Variants in ATP6V0A4 observed in about 807,000 individuals in gnomAD.
ATP6V0A4 encodes V-type proton ATPase 116 kDa subunit a 4.
In ATP6V0A4, 86 loss-of-function variants were observed where a neutral mutation model predicts 107.3. The ratio of observed to expected loss-of-function variants is 0.80; its 90% CI spans 0.67 to 0.96. The LOEUF (loss-of-function observed/expected upper bound fraction) is 0.96. Among genes scored for constraint, ATP6V0A4 ranks in the 40% least tolerant of loss-of-function variants. ATP6V0A4 has a pLI of 0.00. For missense variants in ATP6V0A4, 908 were observed against 1,045.6 expected, an observed-to-expected ratio of 0.87 and a Z score of 1.81; for synonymous variants, 353 against 381.4, an observed-to-expected ratio of 0.93 and a Z score of 0.87.
At chr7:138,713,834 C>T (rs1224984657) in intron 20 of ATP6V0A4, among the ~76,000 whole-genome samples, 2 of 151,902 alleles carry the variant, frequency 1.3e-5, no homozygotes, top group Non-Finnish European at 2.9e-5. Flanking sequence ...GGCACAATGG[C>T]TCACACCTGT....
intron 21 of ATP6V0A4, among the ~76,000 whole-genome samples, chr7:138,708,372 G>A (rs1272659340): frequency 2.0e-5 from 3 of 152,124 alleles, no homozygotes; most frequent in Non-Finnish European, 4.4e-5. Flanking sequence ...AATTTACAGA[G>A]TTCAGTTCCT....
At chr7:138,744,254 T>G (rs1377270233) in intron 14 of ATP6V0A4, among the ~76,000 whole-genome samples, 2 of 151,502 alleles carry the variant, frequency 1.3e-5, no homozygotes, top group Non-Finnish European at 2.9e-5. Flanking sequence ...TTTTTTTTTT[T>G]TCAGTTGGAG....
chr7:138,743,859 C>T (rs1290310141), intron 14 of ATP6V0A4, among the ~76,000 whole-genome samples: 1 of 152,118 alleles, frequency 6.6e-6, no homozygotes, highest in Non-Finnish European at 1.5e-5. Context: ...TGCACGTAGC[C>T]TAAGATCACC....
chr7:138,710,446 T>G (rs895146001), intron 20 of ATP6V0A4, among the ~76,000 whole-genome samples: 6 of 151,850 alleles, frequency 4.0e-5, no homozygotes, highest in Non-Finnish European at 8.8e-5. Context: ...CGCCTCGGCC[T>G]CCAAAGTGCT....
At position 138,755,716 on chromosome 7, in the gene ATP6V0A4, G is replaced by C. The variant is rs1321634237; in HGVS notation, c.789C>G (p.Val263=). ...TGATTAAATCTTCCAGCCTCACATT[G>C]ACGCTCTCCAACATCTCTCTGCGCT... The part of the protein sequence containing the change: ...AVERREMLES[V]NVRLEDLITV... The change falls in exon 10 of 22, where the codon GTC becomes GTG. Residue 263 remains valine (V), a synonymous_variant. Transcript: ENST00000310018. 6.2e-7 allele frequency: 1 copy of C among 1,613,842 alleles called. No homozygotes were observed. Among genetic ancestry groups the C allele is most frequent in the Non-Finnish European group, 8.5e-7 (1 of 1,180,028 alleles).
chr7:138,787,996 T>A (rs990943210), intron 1 of ATP6V0A4, among the ~76,000 whole-genome samples: 18 of 151,870 alleles, frequency 1.2e-4, no homozygotes, highest in African/African-American at 4.4e-4. Context: ...TGAGATTCTG[T>A]CTTAAAAACG....
intron 17 of ATP6V0A4, among the ~76,000 whole-genome samples, chr7:138,730,837 A>T (rs899092399): frequency 2.0e-5 from 3 of 152,092 alleles, no homozygotes; most frequent in Non-Finnish European, 4.4e-5. Flanking sequence ...TGATAACAAA[A>T]TGGTGCCCAA....
rs571852602 is a variant in ATP6V0A4, at chr7:138,768,691, C to G, written c.291+89G>C. 4.2e-5 allele frequency: 62 copies of G among 1,484,818 alleles called. 1 individual carries two copies. In the Admixed American group the frequency reaches 6.1e-4, roughly 15 times the overall value. The allele number at this position is 1,484,818 out of a possible 1,614,324, so 92.0% of individuals were successfully genotyped here. A position where few individuals can be genotyped will look rare whatever the true frequency, so the allele number is the denominator to read the frequency against. On this transcript the variant is annotated intron_variant, in intron 5 of 21. Transcript: ENST00000310018. ...CTCCCTGCCTTCAAGCAAACAGGTACGGAATCTGCAAGTGGCTCTCAGGGC... is the reference window on the plus strand; with the variant it reads ...CTCCCTGCCTTCAAGCAAACAGGTAGGGAATCTGCAAGTGGCTCTCAGGGC...
intron 1 of ATP6V0A4, among the ~76,000 whole-genome samples, chr7:138,788,344 C>G (rs1212732489): frequency 6.6e-6 from 1 of 152,062 alleles, no homozygotes; most frequent in African/African-American, 2.4e-5. Flanking sequence ...TGTAGGGAAC[C>G]AGAAATTGCC....
At chr7:138,777,965 C>G (rs534829113) in intron 2 of ATP6V0A4, among the ~76,000 whole-genome samples, 1 of 152,196 alleles carries the variant, frequency 6.6e-6, no homozygotes, top group Non-Finnish European at 1.5e-5. Flanking sequence ...TGGAAAATTT[C>G]GCTGACTTCA....
At chr7:138,724,716 A>G (rs181606790) in intron 18 of ATP6V0A4, among the ~76,000 whole-genome samples, 1 of 152,330 alleles carries the variant, frequency 6.6e-6, no homozygotes, top group Non-Finnish European at 1.5e-5. Context: ...ATAGAAGAAA[A>G]TATCAAAGGA....
chr7:138,751,467 G>A (rs900474031), intron 11 of ATP6V0A4, among the ~76,000 whole-genome samples: 6 of 151,556 alleles, frequency 4.0e-5, no homozygotes, highest in Non-Finnish European at 8.8e-5. Context: ...CCTTCAATGG[G>A]GTGAATAACG....
At chr7:138,724,728 A>C (rs1438260355) in intron 18 of ATP6V0A4, among the ~76,000 whole-genome samples, 1 of 152,178 alleles carries the variant, frequency 6.6e-6, no homozygotes, top group Non-Finnish European at 1.5e-5. Flanking sequence ...ATCAAAGGAG[A>C]GATATATTAC....
chr7:138,758,829 C>T (rs112743039), intron 8 of ATP6V0A4, among the ~76,000 whole-genome samples: 2,950 of 143,430 alleles, frequency 0.021, 102 homozygotes, highest in African/African-American at 0.071. Context: ...CAGCTCACTG[C>T]AACCTCCGCC....
At chr7:138,745,503 G>A (rs1390455292) in intron 13 of ATP6V0A4, among the ~76,000 whole-genome samples, 1 of 151,752 alleles carries the variant, frequency 6.6e-6, no homozygotes, top group Non-Finnish European at 1.5e-5. Context: ...TTGTTATCAT[G>A]AAACAAAAAC....
In ATP6V0A4 at chr7:138,708,573, T is replaced by C. The variant is rs191113163; in HGVS notation, c.2429+1051A>G. On this transcript the variant is annotated intron_variant, in intron 21 of 21. Coordinates refer to ENST00000310018, the MANE Select transcript of ATP6V0A4 (RefSeq NM_020632.3). ...TGCACTGCACACTCAGAATTCTTGGTTGAAATGTAACTTGGAAGACAACCA... is the reference window on the plus strand; with the variant it reads ...TGCACTGCACACTCAGAATTCTTGGCTGAAATGTAACTTGGAAGACAACCA... Among the ~76,000 whole-genome samples, 9 of 152,320 alleles carry C rather than the reference T, an allele frequency of 5.9e-5. No homozygotes were observed. In the East Asian group the frequency reaches 9.7e-4, roughly 16 times the overall value.
chr7:138,769,010 A>C, intron 4 of ATP6V0A4, 136 bp from the exon 5 acceptor site: 1 of 1,567,754 alleles, frequency 6.4e-7, no homozygotes, highest in African/African-American at 1.4e-5. Flanking sequence ...CAGCACCTGG[A>C]TCCCACCCCC....
chr7:138,729,348 T>C (rs1293999044), intron 17 of ATP6V0A4, among the ~76,000 whole-genome samples: 1 of 152,162 alleles, frequency 6.6e-6, no homozygotes, highest in Non-Finnish European at 1.5e-5. Flanking sequence ...CCTAGAAAAT[T>C]ATCTGAGCTC....
intron 10 of ATP6V0A4, among the ~76,000 whole-genome samples, chr7:138,753,114 T>C (rs939752646): frequency 2.0e-5 from 3 of 152,252 alleles, no homozygotes; most frequent in African/African-American, 7.2e-5. Flanking sequence ...TCCTGAACTC[T>C]GATACCTGTG....
Sources: gnomAD v4.1 joint callset for allele counts (sites outside exome capture counted in the v4.1 genomes callset) on GRCh38, gnomAD v4.1.1 for gene constraint, MANE v1.5 for transcripts, NCBI Gene and HGNC (gene_info 2026-07-23, HGNC 2026-07-21) for gene names.